The following IMMP2L variants were observed in gnomAD, a reference collection of about 807,000 sequenced individuals.
IMMP2L encodes the protein inner mitochondrial membrane peptidase subunit 2, also known as mitochondrial inner membrane protease subunit 2.
In IMMP2L, 18 loss-of-function variants were observed where a neutral mutation model predicts 19.3. That is an observed-to-expected ratio of 0.93 (90% confidence interval 0.64 to 1.38). The LOEUF (loss-of-function observed/expected upper bound fraction) is 1.38. Ranked by LOEUF, IMMP2L falls within the 40% of genes most tolerant of loss-of-function variation. The probability of loss-of-function intolerance (pLI) is 0.00; values close to 1 mark genes in which losing one functional copy is unlikely to be tolerated. For missense variants in IMMP2L, 233 were observed against 218.2 expected, an observed-to-expected ratio of 1.07 and a Z score of -0.43; for synonymous variants, 76 against 73.0, an observed-to-expected ratio of 1.04 and a Z score of -0.21.
chr7:111,017,766 A>G (rs1264581468), intron 3 of IMMP2L, among the ~76,000 whole-genome samples: 2 of 152,154 alleles, frequency 1.3e-5, no homozygotes, highest in Non-Finnish European at 2.9e-5. Flanking sequence ...CAGGCTCACA[A>G]AGATCCAGAC....
chr7:111,191,197 T>G (rs1808829504), intron 3 of IMMP2L, among the ~76,000 whole-genome samples: 2 of 152,122 alleles, frequency 1.3e-5, no homozygotes, highest in Admixed American at 1.3e-4. Context: ...ATTTTGTATT[T>G]TGAATGATAT....
chr7:111,458,775 C>A (rs1217254580), intron 3 of IMMP2L, among the ~76,000 whole-genome samples: 2 of 152,134 alleles, frequency 1.3e-5, no homozygotes, highest in East Asian at 3.9e-4. Flanking sequence ...ACTGATGAAT[C>A]CCCAAAGAAC....
At chr7:110,749,385 T>C (rs1584713337) in intron 5 of IMMP2L, among the ~76,000 whole-genome samples, 1 of 152,034 alleles carries the variant, frequency 6.6e-6, no homozygotes, top group South Asian at 2.1e-4. Flanking sequence ...CCCAGCAATC[T>C]CATTACTGGG....
chr7:110,945,480 T>C (rs541193464), intron 4 of IMMP2L, among the ~76,000 whole-genome samples: 1 of 151,996 alleles, frequency 6.6e-6, no homozygotes, highest in East Asian at 1.9e-4. Context: ...AGGCCAGTGG[T>C]TAACATGCCT....
chr7:111,511,164 C>CA (rs1845402130), intron 2 of IMMP2L, among the ~76,000 whole-genome samples: 1 of 152,012 alleles, frequency 6.6e-6, no homozygotes, highest in African/African-American at 2.4e-5. Flanking sequence ...ACTAAAACAC[C>CA]CTGAACATAA....
intron 5 of IMMP2L, among the ~76,000 whole-genome samples, chr7:110,883,072 A>T (rs1181860705): frequency 1.3e-5 from 2 of 152,192 alleles, no homozygotes; most frequent in Non-Finnish European, 2.9e-5. Flanking sequence ...ACTGGTTTTT[A>T]AAAAGTGAAC....
intron 5 of IMMP2L, among the ~76,000 whole-genome samples, chr7:110,788,264 A>C (rs1015295861): frequency 1.3e-5 from 2 of 152,012 alleles, no homozygotes; most frequent in African/African-American, 4.8e-5. Context: ...GCTGGGTTTG[A>C]GCTTCACAAC....
Position 111,437,067 on chromosome 7 carries a change from G to C in IMMP2L, c.239+50171C>G, listed in dbSNP as rs551867025. Among the ~76,000 whole-genome samples the C allele has an allele frequency of 2.6e-5, 4 of 151,886 alleles. No homozygotes were observed. The East Asian group carries it at 7.7e-4, about 29-fold the overall frequency. On this transcript the variant is annotated intron_variant, in intron 3 of 5. Transcript: ENST00000405709. ...ATCATTGGGGGTTATATTTCAACAT[G>C]AGATTTGGAGCAGACAAACATCCAA...
chr7:111,379,503 G>A (rs1830997141), intron 3 of IMMP2L, among the ~76,000 whole-genome samples: 2 of 151,658 alleles, frequency 1.3e-5, no homozygotes, highest in Non-Finnish European at 3.0e-5. Context: ...TTAGATTGCT[G>A]CACCTCAGAA....
chr7:110,674,234 A>C (rs1245095238), intron 5 of IMMP2L, among the ~76,000 whole-genome samples: 1 of 152,258 alleles, frequency 6.6e-6, no homozygotes, highest in East Asian at 1.9e-4. Flanking sequence ...AAACCACCAG[A>C]TCCCATGAGA....
intron 2 of IMMP2L, among the ~76,000 whole-genome samples, chr7:111,516,641 A>G (rs183496113): frequency 1.3e-5 from 2 of 152,176 alleles, no homozygotes; most frequent in East Asian, 3.9e-4. Context: ...GGACATTACA[A>G]ATTTATCACT....
At chr7:110,937,927 AAAGACTTACTGAAAC>A (rs1384514372) in intron 4 of IMMP2L, among the ~76,000 whole-genome samples, 1 of 152,164 alleles carries the variant, frequency 6.6e-6, no homozygotes, top group Non-Finnish European at 1.5e-5. Context: ...ACAGAACTTC[AAAGACTTACTGAAAC>A]ATTTGAAAGT....
At chr7:111,466,578 C>G (rs1422523275) in intron 3 of IMMP2L, among the ~76,000 whole-genome samples, 1 of 152,018 alleles carries the variant, frequency 6.6e-6, no homozygotes, top group Non-Finnish European at 1.5e-5. Flanking sequence ...TAAAATGGCC[C>G]TGAGATGTAG....
At chr7:110,674,193 AT>A (rs1158970758) in intron 5 of IMMP2L, among the ~76,000 whole-genome samples, 1 of 152,162 alleles carries the variant, frequency 6.6e-6, no homozygotes, top group African/African-American at 2.4e-5. Context: ...GCAAGGAGAA[AT>A]GTCAAGCAAA....
chr7:110,960,197 A>T (rs2129555197), intron 4 of IMMP2L, among the ~76,000 whole-genome samples: 1 of 152,072 alleles, frequency 6.6e-6, no homozygotes, highest in African/African-American at 2.4e-5. Context: ...CTTTATTAAG[A>T]TATAATTCAT....
In IMMP2L at chr7:111,395,504, T is replaced by C. The variant is rs1832776249; in HGVS notation, c.239+91734A>G. 1.3e-5 allele frequency among the ~76,000 whole-genome samples: 2 copies of C among 152,204 alleles called. 1 individual carries two copies. Among genetic ancestry groups the C allele is most frequent in the Non-Finnish European group, 2.9e-5 (2 of 68,022 alleles). On this transcript the variant is annotated intron_variant, in intron 3 of 5. Transcript: ENST00000405709. ...TGAATGTGCTAGTATAAGAAATATC[T>C]ACATTTTAATGAAAATCATAGTACA... is the stretch of plus-strand genomic sequence containing the variant.
intron 3 of IMMP2L, among the ~76,000 whole-genome samples, chr7:111,348,958 G>A (rs915510062): frequency 6.6e-6 from 1 of 152,090 alleles, no homozygotes; most frequent in African/African-American, 2.4e-5. Flanking sequence ...ATCCTTTCAA[G>A]TATTTATTTC....
intron 3 of IMMP2L, among the ~76,000 whole-genome samples, chr7:111,278,424 T>C (rs1819343585): frequency 1.3e-5 from 2 of 152,154 alleles, no homozygotes. Context: ...CCAACAATTG[T>C]TTTTGTAAAA....
At chr7:111,397,774 G>A (rs1833019332) in intron 3 of IMMP2L, among the ~76,000 whole-genome samples, 1 of 151,990 alleles carries the variant, frequency 6.6e-6, no homozygotes, top group Non-Finnish European at 1.5e-5. Flanking sequence ...TTTTTATACA[G>A]GAGTGATATG....
Sources: allele counts gnomAD v4.1 joint callset (sites outside exome capture counted in the v4.1 genomes callset), GRCh38; gene constraint gnomAD v4.1.1; transcripts MANE v1.5; gene names NCBI Gene and HGNC (gene_info 2026-07-23, HGNC 2026-07-21).